RHCG: variants seen among roughly 807,000 people sequenced by gnomAD.
RHCG encodes the protein ammonium transporter Rh type C.
In RHCG, 39 loss-of-function variants were observed where a neutral mutation model predicts 55.3. That is an observed-to-expected ratio of 0.70 (90% CI 0.55 to 0.92). RHCG has a LOEUF of 0.92. RHCG is among the 40% of genes least tolerant of loss of function. The probability of loss-of-function intolerance (pLI) is 0.00; values close to 1 mark genes in which losing one functional copy is unlikely to be tolerated. For missense variants in RHCG, 635 were observed against 627.9 expected, an observed-to-expected ratio of 1.01 and a Z score of -0.12; for synonymous variants, 250 against 246.8, an observed-to-expected ratio of 1.01 and a Z score of -0.12.
intron 2 of RHCG, among the ~76,000 whole-genome samples, chr15:89,483,753 G>A (rs981172898): frequency 6.6e-6 from 1 of 152,132 alleles, no homozygotes; most frequent in Non-Finnish European, 1.5e-5. Context: ...TATGTCCAGG[G>A]AAGAGACAGG....
Position 89,477,612 on chromosome 15 carries a change from G to A in RHCG, c.1017C>T (p.Gly339=), listed in dbSNP as rs749840033. ...ESRLHIQDTC[G]INNLHGIPGI... ...CAGGAATGCCATGCAGATTGTTAAT[G>A]CCACATGTGTCCTGGATGTGCAGCC... The change falls in exon 7 of 11, where the codon GGC becomes GGT. Residue 339 remains glycine (G), a synonymous_variant. Transcript: ENST00000268122. The surrounding 1 kb of genome is among the most constrained non-coding windows in gnomAD (Gnocchi z 4.5). The A allele has an allele frequency of 6.2e-7, 1 of 1,614,128 alleles. No homozygotes were observed. Among genetic ancestry groups the A allele is most frequent in the Non-Finnish European group, 8.5e-7 (1 of 1,180,030 alleles).
At chr15:89,479,186 A>G (rs1232090952) in intron 5 of RHCG, 136 bp downstream of exon 5, 1 of 879,506 alleles carries the variant, frequency 1.1e-6, no homozygotes, top group African/African-American at 1.7e-5. Flanking sequence ...CATGTGCTCA[A>G]AACAAATCAT....
At chr15:89,489,641 C>A (rs1412112145) in intron 1 of RHCG, among the ~76,000 whole-genome samples, 1 of 152,168 alleles carries the variant, frequency 6.6e-6, no homozygotes, top group Non-Finnish European at 1.5e-5. Flanking sequence ...GGTGCTCCAG[C>A]TGCTCTGGCC....
At chr15:89,496,221 G>T in intron 1 of RHCG, 140 bp downstream of exon 1, 1 of 792,468 alleles carries the variant, frequency 1.3e-6, no homozygotes, top group Non-Finnish European at 2.1e-6. Context: ...TCCCACGCAT[G>T]CCCTGCAGAG....
rs1459196909 is a variant in RHCG at position 89,471,868 on chromosome 15, A to T, written c.*25-13T>A. 6.6e-6 allele frequency: 1 copy of T among 152,490 alleles called. No individual in the cohort carries two copies. Among genetic ancestry groups the T allele is most frequent in the Non-Finnish European group, 1.5e-5 (1 of 68,140 alleles). The allele number at this position is 152,490 out of a possible 1,614,324, so 9.4% of individuals were successfully genotyped here. ...CAGTCTGTGGAGCCTGCAGGGAGAC[A>T]GCCAAGAGCAGCGGGTCACTGCCGG... On this transcript the variant is annotated splice_polypyrimidine_tract_variant and intron_variant, in intron 10 of 10. Transcript: ENST00000268122.
chr15:89,476,801 C>T lies in RHCG; in HGVS notation c.1265G>A (p.Gly422Glu), dbSNP rs200584986. 12 of 1,613,982 alleles carry T rather than the reference C, an allele frequency of 7.4e-6. 1 individual carries two copies. Among genetic ancestry groups the T allele is most frequent in the Middle Eastern group, 1.6e-4 (1 of 6,084 alleles). ...VGLILRLPFWGQPSDENCFED... is the reference protein window; with the variant it reads ...VGLILRLPFWEQPSDENCFED... The stretch of plus-strand genomic sequence containing the variant: ...AAAGCAGTTCTCATCTGAAGGTTGT[C>T]CCCAGAATGGTAATCTCAAAATGAG... Residue 422 changes from glycine to glutamate, a missense_variant, in exon 9 of 11, where the codon GGA becomes GAA. Transcript: ENST00000268122.
At chr15:89,494,059 T>A (rs1961522984) in intron 1 of RHCG, among the ~76,000 whole-genome samples, 1 of 149,754 alleles carries the variant, frequency 6.7e-6, no homozygotes, top group Non-Finnish European at 1.5e-5. Flanking sequence ...TCCTTGATGC[T>A]GGGGCTCTCC....
At chr15:89,492,176 G>C (rs891057987) in intron 1 of RHCG, among the ~76,000 whole-genome samples, 11 of 152,126 alleles carry the variant, frequency 7.2e-5, no homozygotes, top group African/African-American at 2.4e-4. Flanking sequence ...TGATGGGGCA[G>C]GGCTGGCACT....
In RHCG at chr15:89,486,806, C is replaced by A; in HGVS notation, c.364G>T (p.Val122Leu). Residue 122 changes from valine (V) to leucine (L), a missense_variant, in exon 2 of 11, where the codon GTG (valine) becomes TTG (leucine). Physicochemically the swap from Val to Leu is conservative, Grantham distance 32 (BLOSUM62 1). Coordinates refer to ENST00000268122, the MANE Select transcript of RHCG (RefSeq NM_016321.3). ...GGCCCGCCCTGCGCTCACTTCTCCA[C>A]GCCCACGACGATGTAGCGGTCTTGT... ...FLQDRYIVVG[V>L]ENLINADFCV... 6.3e-7 allele frequency: 1 copy of A among 1,588,392 alleles called. No individual in the cohort carries two copies. Among genetic ancestry groups the A allele is most frequent in the Non-Finnish European group, 8.6e-7 (1 of 1,161,514 alleles).
intron 2 of RHCG, 200 bp downstream of exon 2, chr15:89,486,599 A>AGTGTGAGTGTGTGT (rs60077597): frequency 0.011 from 2,795 of 263,488 alleles, 57 homozygotes; most frequent in Non-Finnish European, 0.013. Context: ...AGAGAGAGAG[A>AGTGTGAGTGTGTGT]GTGTGTGTGT....
At chr15:89,492,710 G>A (rs1429196376) in intron 1 of RHCG, among the ~76,000 whole-genome samples, 1 of 152,172 alleles carries the variant, frequency 6.6e-6, no homozygotes, top group Admixed American at 6.5e-5. Flanking sequence ...TGACAGGGCA[G>A]GCAAAAAGCA....
At chr15:89,493,895 G>T (rs1054386643) in intron 1 of RHCG, among the ~76,000 whole-genome samples, 1 of 152,110 alleles carries the variant, frequency 6.6e-6, no homozygotes, top group African/African-American at 2.4e-5. Context: ...CCTCACAGGT[G>T]GTGGTGATGA....
At chr15:89,476,723 C>A (rs780387567) in intron 9 of RHCG, 32 bp downstream of exon 9, 2 of 1,598,460 alleles carry the variant, frequency 1.3e-6, no homozygotes, top group Non-Finnish European at 1.7e-6. Flanking sequence ...CGCAGCTGCC[C>A]TCCTTCAGGG....
intron 1 of RHCG, among the ~76,000 whole-genome samples, chr15:89,495,302 T>C (rs2141905579): frequency 6.6e-6 from 1 of 152,318 alleles, no homozygotes; most frequent in South Asian, 2.1e-4. Context: ...AGTTGTTTTC[T>C]TGGAGATAGA....
At position 89,496,361 on chromosome 15, in the gene RHCG, T is replaced by G; in HGVS notation, c.184A>C (p.Ser62Arg). The change falls in exon 1 of 11, where the codon AGC (serine) becomes CGC (arginine). Residue 62 changes from serine to arginine, a missense_variant and splice_region_variant. By Grantham distance (110) the Ser-to-Arg change is moderately radical. Coordinates refer to ENST00000268122, the MANE Select transcript of RHCG (RefSeq NM_016321.3). ...TGGGCCTGCAGGCGGCGAGACTTAC[T>G]TGGGTAGCGATAGTAGAATTCGTTC... ...MENEFYYRYP[S>R]FQDVHVMVFV... 6.2e-7 allele frequency: 1 copy of G among 1,613,780 alleles called. No homozygotes were observed. The highest frequency in any genetic ancestry group is 8.5e-7 in the Non-Finnish European group (1 of 1,179,882).
chr15:89,479,876 G>A (rs1485896774), intron 4 of RHCG: 1 of 382,986 alleles, frequency 2.6e-6, no homozygotes, highest in Non-Finnish European at 4.8e-6. Flanking sequence ...GAATGGCTGT[G>A]GTCAGTGTCT....
At chr15:89,492,677 A>G (rs1016547592) in intron 1 of RHCG, among the ~76,000 whole-genome samples, 2 of 152,224 alleles carry the variant, frequency 1.3e-5, no homozygotes, top group Non-Finnish European at 2.9e-5. Flanking sequence ...CCATCATAAA[A>G]TGGAAATTAT....
chr15:89,487,521 G>C (rs189550467), intron 1 of RHCG, among the ~76,000 whole-genome samples: 12 of 152,236 alleles, frequency 7.9e-5, no homozygotes, highest in Non-Finnish European at 1.0e-4. Flanking sequence ...ATGCTCATCC[G>C]GCCAAGGAGT....
At chr15:89,480,531 G>T in intron 3 of RHCG, 123 bp from the exon 4 acceptor site, 2 of 1,185,056 alleles carry the variant, frequency 1.7e-6, no homozygotes, top group Non-Finnish European at 2.4e-6. Flanking sequence ...TCAGGGTGCA[G>T]GATGGAGCCT....
Sources: allele counts gnomAD v4.1 joint callset (sites outside exome capture counted in the v4.1 genomes callset), GRCh38; gene constraint gnomAD v4.1.1; non-coding constraint Gnocchi (gnomAD v3.1); transcripts MANE v1.5; gene names NCBI Gene and HGNC (gene_info 2026-07-23, HGNC 2026-07-21).